The following SGCZ variants were observed in gnomAD, a reference collection of about 807,000 sequenced individuals.
SGCZ encodes sarcoglycan zeta.
In SGCZ, 40 loss-of-function variants were observed where a neutral mutation model predicts 41.3. The ratio of observed to expected loss-of-function variants is 0.97; its 90% CI spans 0.75 to 1.26. SGCZ has a LOEUF of 1.26. Among genes scored for constraint, SGCZ ranks in the 50% most tolerant of loss-of-function variants. SGCZ has a pLI of 0.00. For missense variants in SGCZ, 552 were observed against 369.8 expected (o/e 1.49, Z -4.04); for synonymous variants, 206 against 137.5 (o/e 1.50, Z -3.49).
chr8:15,091,531 T>C (rs745530626), intron 1 of SGCZ, among the ~76,000 whole-genome samples: 3 of 152,170 alleles, frequency 2.0e-5, no homozygotes, highest in Non-Finnish European at 4.4e-5. Context: ...ATGTGCAGAA[T>C]CAAAGTGTAT....
In SGCZ at chr8:14,873,818, T is replaced by C. The variant is rs376172064; in HGVS notation, c.40-318892A>G. On this transcript the variant is annotated intron_variant, in intron 1 of 7. Transcript: ENST00000382080. ...GGCCAGATGTATACCTAATTAGGAA[T>C]AGGAACCTTTAAAAATGGAAATTAA... is the stretch of plus-strand genomic sequence containing the variant. Among the ~76,000 whole-genome samples the C allele has an allele frequency of 5.5e-4, 83 of 152,284 alleles. 2 individuals are homozygous for C. The South Asian group carries it at 0.017, about 31-fold the overall frequency.
At chr8:14,563,200 T>C (rs890008738) in intron 1 of SGCZ, among the ~76,000 whole-genome samples, 1 of 152,158 alleles carries the variant, frequency 6.6e-6, no homozygotes, top group Non-Finnish European at 1.5e-5. Flanking sequence ...TGGATTTCAG[T>C]GTCTGAGATT....
intron 2 of SGCZ, among the ~76,000 whole-genome samples, chr8:14,526,523 A>G (rs945998729): frequency 1.3e-5 from 2 of 152,170 alleles, no homozygotes; most frequent in African/African-American, 4.8e-5. Flanking sequence ...AAGTTAAAGC[A>G]CACATTGTAT....
chr8:14,161,268 C>T (rs201732191), intron 5 of SGCZ: 1 of 152,130 alleles, frequency 6.6e-6, no homozygotes, highest in East Asian at 1.9e-4. Context: ...ATTATATTTG[C>T]CTTTGATATT....
intron 2 of SGCZ, among the ~76,000 whole-genome samples, chr8:14,403,173 C>T (rs1422968595): frequency 6.7e-6 from 1 of 150,264 alleles, no homozygotes; most frequent in Admixed American, 6.6e-5. Flanking sequence ...TGCTTATCAG[C>T]TTAAGGAGAT....
intron 5 of SGCZ, among the ~76,000 whole-genome samples, chr8:14,122,133 C>T (rs1427426162): frequency 2.6e-5 from 4 of 152,096 alleles, no homozygotes; most frequent in African/African-American, 4.8e-5. Flanking sequence ...AAAAAATAGC[C>T]GCGCATGGCG....
chr8:14,479,891 G>A (rs1416785630), intron 2 of SGCZ, among the ~76,000 whole-genome samples: 1 of 148,642 alleles, frequency 6.7e-6, no homozygotes, highest in Non-Finnish European at 1.5e-5. Context: ...GATTACAGGC[G>A]TGCACTAGCA....
chr8:15,179,847 CAGAATAACAAAGT>C (rs1383106870), intron 1 of SGCZ, among the ~76,000 whole-genome samples: 1 of 152,040 alleles, frequency 6.6e-6, no homozygotes, highest in Non-Finnish European at 1.5e-5. Flanking sequence ...TTTTCTCAAA[CAGAATAACAAAGT>C]AGGAAGAAGA....
chr8:14,995,184 A>T lies in SGCZ; in HGVS notation c.39+242401T>A, dbSNP rs1446624498. 2.0e-5 allele frequency among the ~76,000 whole-genome samples: 3 copies of T among 152,250 alleles called. No homozygotes were observed. The East Asian group carries it at 5.8e-4, about 29-fold the overall frequency. On this transcript the variant is annotated intron_variant, in intron 1 of 7. Transcript: ENST00000382080. ...GACAGGGAGACACTGAAGTATATTT[A>T]TCAGGAGATGATTTGGTTTTATTTC...
At chr8:15,132,439 T>G (rs1387742303) in intron 1 of SGCZ, among the ~76,000 whole-genome samples, 1 of 152,142 alleles carries the variant, frequency 6.6e-6, no homozygotes, top group East Asian at 1.9e-4. Flanking sequence ...ACATGCCTCA[T>G]GGAGATACAA....
At chr8:14,945,942 G>C (rs1179192326) in intron 1 of SGCZ, among the ~76,000 whole-genome samples, 5 of 136,310 alleles carry the variant, frequency 3.7e-5, no homozygotes, top group Admixed American at 2.4e-4. Flanking sequence ...ATTGCAGATA[G>C]GCCTCTCATG....
At chr8:14,366,796 AG>A (rs1803724010) in intron 2 of SGCZ, among the ~76,000 whole-genome samples, 4 of 152,144 alleles carry the variant, frequency 2.6e-5, no homozygotes, top group African/African-American at 9.6e-5. Flanking sequence ...GTAATATCAA[AG>A]GCAAGTTAAT....
intron 1 of SGCZ, among the ~76,000 whole-genome samples, chr8:14,876,118 A>G (rs1410839505): frequency 6.6e-6 from 1 of 152,138 alleles, no homozygotes; most frequent in Non-Finnish European, 1.5e-5. Flanking sequence ...ATCAGTGTAG[A>G]CAATAGAGAG....
chr8:14,687,162 GA>G lies in SGCZ; in HGVS notation c.40-132237del, dbSNP rs376743258. ...TCCCAAGGCTTTTACTCACTTTAAA[GA>G]AAAAAAAAATATATATATATATATA... On this transcript the variant is annotated intron_variant, in intron 1 of 7. Transcript: ENST00000382080. Among the ~76,000 whole-genome samples, 234 of 136,372 alleles carry G rather than the reference GA, an allele frequency of 1.7e-3. 2 individuals are homozygous for G. Among genetic ancestry groups the G allele is most frequent in the African/African-American group, 1.6e-3 (63 of 38,630 alleles). 89.5% of individuals were successfully genotyped at this position (136,372 alleles called of 152,430 possible). A position where few individuals can be genotyped will look rare whatever the true frequency, so the allele number is the denominator to read the frequency against.
intron 2 of SGCZ, among the ~76,000 whole-genome samples, chr8:14,431,365 G>C (rs1422202017): frequency 2.0e-5 from 3 of 152,076 alleles, no homozygotes; most frequent in Non-Finnish European, 4.4e-5. Flanking sequence ...GAACAGAATG[G>C]AGAACCCAGA....
Position 14,664,248 on chromosome 8 carries a change from A to G in SGCZ, c.40-109322T>C, listed in dbSNP as rs548234404. Among the ~76,000 whole-genome samples, 30 of 152,304 alleles carry G rather than the reference A, an allele frequency of 2.0e-4. 1 individual carries two copies. Among genetic ancestry groups the G allele is most frequent in the African/African-American group, 6.5e-4 (27 of 41,582 alleles). ...CATTGAGCACACAAAAGGCTGACTC[A>G]ATGACTGAAGATGGGAATGTACAAA... On this transcript the variant is annotated intron_variant, in intron 1 of 7. Transcript: ENST00000382080.
At chr8:14,522,781 C>T (rs1001418550) in intron 2 of SGCZ, among the ~76,000 whole-genome samples, 1 of 151,054 alleles carries the variant, frequency 6.6e-6, no homozygotes, top group African/African-American at 2.4e-5. Context: ...GCTTATTTTC[C>T]TCTTCATTTC....
chr8:15,030,503 T>C (rs899818900), intron 1 of SGCZ, among the ~76,000 whole-genome samples: 3 of 152,162 alleles, frequency 2.0e-5, no homozygotes, highest in East Asian at 3.9e-4. Flanking sequence ...GCAGTAGTTA[T>C]CAGCTGTTCA....
chr8:14,795,746 T>A (rs759738895), intron 1 of SGCZ, among the ~76,000 whole-genome samples: 4 of 152,170 alleles, frequency 2.6e-5, no homozygotes, highest in Non-Finnish European at 4.4e-5. Context: ...TCATGGAGGT[T>A]TGTTGTACAG....
Sources: gnomAD v4.1 joint callset for allele counts (sites outside exome capture counted in the v4.1 genomes callset) on GRCh38, gnomAD v4.1.1 for gene constraint, MANE v1.5 for transcripts, NCBI Gene and HGNC (gene_info 2026-07-23, HGNC 2026-07-21) for gene names.